Variants in ATXN10 observed in about 807,000 individuals in gnomAD.
ATXN10 encodes ataxin-10.
In ATXN10, 28 loss-of-function variants were observed where a neutral mutation model predicts 52.9. The ratio of observed to expected loss-of-function variants is 0.53; its 90% CI spans 0.39 to 0.73. The LOEUF is 0.73. ATXN10 is among the 30% of genes least tolerant of loss of function. The pLI is 0.00. For missense variants in ATXN10, 565 were observed against 577.0 expected (o/e 0.98, Z 0.21); for synonymous variants, 226 against 221.5 (o/e 1.02, Z -0.18).
At chr22:45,739,737 A>G (rs1925436852) in intron 8 of ATXN10, among the ~76,000 whole-genome samples, 1 of 152,130 alleles carries the variant, frequency 6.6e-6, no homozygotes, top group Non-Finnish European at 1.5e-5. Context: ...ACCTTCCTGT[A>G]TAGGTTTGTT....
rs551611509 is a variant in ATXN10, at chr22:45,820,979, C to T, written c.1237+13957C>T. Among the ~76,000 whole-genome samples, 54 of 152,120 alleles carry T rather than the reference C, an allele frequency of 3.5e-4. 1 individual carries two copies. Among genetic ancestry groups the T allele is most frequent in the Non-Finnish European group, 7.1e-4 (48 of 68,022 alleles). ...TTTAAGATTTTTCACCTGAATATGA[C>T]GAGACTTAACTTTTACAAGAGAGTC... On this transcript the variant is annotated intron_variant, in intron 10 of 11. Coordinates refer to ENST00000252934, the MANE Select transcript of ATXN10 (RefSeq NM_013236.4). The surrounding 1 kb of genome is among the most constrained non-coding windows in gnomAD (Gnocchi z 4.9).
rs1033062376 is a variant in ATXN10, at chr22:45,841,413, G to A, written c.1238-1578G>A. On this transcript the variant is annotated intron_variant, in intron 10 of 11. Transcript: ENST00000252934. This position sits in a 1 kb window ranked among gnomAD's most constrained non-coding sequence, Gnocchi z 5.1. ...CAGGTCATTCACTCAGCACATGTTG[G>A]TTGGTCCTTTGCTTTGTGCCAGGCT... is the stretch of plus-strand genomic sequence containing the variant. 6.6e-6 allele frequency among the ~76,000 whole-genome samples: 1 copy of A among 152,206 alleles called. No homozygotes were observed. Among genetic ancestry groups the A allele is most frequent in the South Asian group, 2.1e-4 (1 of 4,828 alleles).
At chr22:45,832,373 C>T (rs977360447) in intron 10 of ATXN10, among the ~76,000 whole-genome samples, 1 of 152,138 alleles carries the variant, frequency 6.6e-6, no homozygotes, top group Non-Finnish European at 1.5e-5. Flanking sequence ...CCATCTGCAC[C>T]CTCCTCCTCA....
chr22:45,704,832 C>G (rs1923977473), intron 5 of ATXN10, among the ~76,000 whole-genome samples: 1 of 152,140 alleles, frequency 6.6e-6, no homozygotes, highest in African/African-American at 2.4e-5. Flanking sequence ...TTGGTGAGAG[C>G]AGACATATGT....
rs116592382 is a variant in ATXN10 at position 45,730,688 on chromosome 22, C to T, written c.894+1098C>T. On this transcript the variant is annotated intron_variant, in intron 7 of 11. Coordinates refer to ENST00000252934, the MANE Select transcript of ATXN10 (RefSeq NM_013236.4). ...CTGACTTCATGTGATCTGCCTGCCT[C>T]GGCCTGCCAAGGTGCTGGGATTACT... Among the ~76,000 whole-genome samples the T allele has an allele frequency of 8.6e-3, 1,306 of 152,308 alleles. 12 individuals carry two copies. Among genetic ancestry groups the T allele is most frequent in the African/African-American group, 0.03 (1,232 of 41,554 alleles).
intron 3 of ATXN10, among the ~76,000 whole-genome samples, chr22:45,695,611 A>G (rs1361171923): frequency 6.6e-6 from 1 of 151,294 alleles, no homozygotes; most frequent in Non-Finnish European, 1.5e-5. Context: ...CTCCTGCCTC[A>G]GCCTCCCGAG....
chr22:45,738,519 A>G (rs963565154), intron 7 of ATXN10: 19 of 531,912 alleles, frequency 3.6e-5, no homozygotes, highest in African/African-American at 5.7e-5. Flanking sequence ...TGCATTCTTG[A>G]TGGCAGATGT....
Position 45,732,043 on chromosome 22 carries a change from A to G in ATXN10, c.894+2453A>G, listed in dbSNP as rs1441535672. Among the ~76,000 whole-genome samples, 6 of 152,124 alleles carry G rather than the reference A, an allele frequency of 3.9e-5. No homozygotes were observed. ...GGCACTTCTGTTTAAAATATAGGTG[A>G]TTTCAGTATTGTAGTGAGAAATTCC... On this transcript the variant is annotated intron_variant, in intron 7 of 11. Transcript: ENST00000252934. The surrounding 1 kb of genome is among the most constrained non-coding windows in gnomAD (Gnocchi z 4.5).
chr22:45,772,246 T>C lies in ATXN10; in HGVS notation c.1173+31708T>C, dbSNP rs747231321. 1.3e-5 allele frequency among the ~76,000 whole-genome samples: 2 copies of C among 152,240 alleles called. No individual in the cohort carries two copies. The highest frequency in any genetic ancestry group is 2.9e-5 in the Non-Finnish European group (2 of 68,044). On this transcript the variant is annotated intron_variant, in intron 9 of 11. Coordinates refer to ENST00000252934, the MANE Select transcript of ATXN10 (RefSeq NM_013236.4). The surrounding 1 kb of genome is among the most constrained non-coding windows in gnomAD (Gnocchi z 4.1). ...TCTAGGATCCATTTGAGTTAGTCTC[T>C]CTATAAGGTGTGAGGGTTAGGTCAA...
At position 45,784,883 on chromosome 22, in the gene ATXN10, T is replaced by C. The variant is rs73444668; in HGVS notation, c.1174-22076T>C. Among the ~76,000 whole-genome samples, 1,175 of 152,300 alleles carry C rather than the reference T, an allele frequency of 7.7e-3. 11 individuals carry two copies. Among genetic ancestry groups the C allele is most frequent in the African/African-American group, 0.026 (1,100 of 41,548 alleles). On this transcript the variant is annotated intron_variant, in intron 9 of 11. Transcript: ENST00000252934. This position sits in a 1 kb window ranked among gnomAD's most constrained non-coding sequence, Gnocchi z 4.2. ...GAGCTTATCATAATACAACAAGCAA[T>C]TGAGATTCTGTCCATGAGTTAAAAA...
At chr22:45,751,763 A>AAAAAAAAAAAT in intron 9 of ATXN10, among the ~76,000 whole-genome samples, 7 of 66,630 alleles carry the variant, frequency 1.1e-4, no homozygotes, top group South Asian at 3.8e-4. Flanking sequence ...AATAAAAAAA[A>AAAAAAAAAAAT]AATAATAATA....
intron 9 of ATXN10, among the ~76,000 whole-genome samples, chr22:45,782,334 C>T (rs959850470): frequency 2.0e-5 from 3 of 152,258 alleles, no homozygotes; most frequent in Admixed American, 6.5e-5. Context: ...AATGAGTGCT[C>T]GTGTCCACCA....
chr22:45,707,206 A>G (rs1924077204), intron 5 of ATXN10, among the ~76,000 whole-genome samples: 2 of 152,294 alleles, frequency 1.3e-5, no homozygotes, highest in South Asian at 2.1e-4. Context: ...TGATTAGGCC[A>G]CAGATTTTCT....
rs543152637 is a variant in ATXN10 at position 45,725,404 on chromosome 22, T to A, written c.729-4021T>A. 1.3e-3 allele frequency among the ~76,000 whole-genome samples: 177 copies of A among 136,042 alleles called. 1 individual carries two copies. Among genetic ancestry groups the A allele is most frequent in the African/African-American group, 6.2e-3 (172 of 27,696 alleles). 89.2% of individuals were successfully genotyped at this position (136,042 alleles called of 152,430 possible). The stretch of plus-strand genomic sequence containing the variant: ...TAAATATATTTCCAGGCATTTGATT[T>A]TTTTTTTTTTTTTTTGCAGCTATTT... On this transcript the variant is annotated intron_variant, in intron 6 of 11. Coordinates refer to ENST00000252934, the MANE Select transcript of ATXN10 (RefSeq NM_013236.4).
rs1185782266 is a variant in ATXN10 at position 45,678,916 on chromosome 22, G to T, written c.116+6737G>T. ...TTAAATTATTAAATTTAATACATTT[G>T]TAATTTGCTAAAAATGTATATTTGT... is the stretch of plus-strand genomic sequence containing the variant. On this transcript the variant is annotated intron_variant, in intron 1 of 11. Transcript: ENST00000252934. The surrounding 1 kb of genome is among the most constrained non-coding windows in gnomAD (Gnocchi z 4.1). The T allele has an allele frequency of 6.6e-6, 1 of 152,122 alleles. No homozygotes were observed. 9.4% of individuals were successfully genotyped at this position (152,122 alleles called of 1,614,324 possible).
At chr22:45,791,050 G>C (rs1478233767) in intron 9 of ATXN10, among the ~76,000 whole-genome samples, 1 of 152,140 alleles carries the variant, frequency 6.6e-6, no homozygotes, top group South Asian at 2.1e-4. Context: ...GTTGAGATGG[G>C]GTCTCTCTAT....
At chr22:45,796,368 C>T (rs1407883879) in intron 9 of ATXN10, among the ~76,000 whole-genome samples, 1 of 152,186 alleles carries the variant, frequency 6.6e-6, no homozygotes, top group Non-Finnish European at 1.5e-5. Flanking sequence ...ATCAGTAATT[C>T]TAGTTTCGCC....
At chr22:45,726,017 A>G (rs1278873006) in intron 6 of ATXN10, among the ~76,000 whole-genome samples, 1 of 152,070 alleles carries the variant, frequency 6.6e-6, no homozygotes, top group Non-Finnish European at 1.5e-5. Context: ...GATTATGGTG[A>G]ATTATCTTTT....
intron 5 of ATXN10, among the ~76,000 whole-genome samples, chr22:45,713,117 A>G (rs1334814974): frequency 6.6e-6 from 1 of 151,962 alleles, no homozygotes; most frequent in African/African-American, 2.4e-5. Context: ...CCCCGTCTTT[A>G]GGACTGTCTC....
Sources: allele counts gnomAD v4.1 joint callset (sites outside exome capture counted in the v4.1 genomes callset), GRCh38; gene constraint gnomAD v4.1.1; non-coding constraint Gnocchi (gnomAD v3.1); transcripts MANE v1.5; gene names NCBI Gene and HGNC (gene_info 2026-07-23, HGNC 2026-07-21).